Variants in ADAMTS17 observed in about 807,000 individuals in gnomAD.
ADAMTS17 encodes A disintegrin and metalloproteinase with thrombospondin motifs 17.
Under a neutral mutation model 141.5 loss-of-function variants are expected in ADAMTS17, and 113 were observed. The ratio of observed to expected loss-of-function variants is 0.80; its 90% confidence interval spans 0.69 to 0.93. ADAMTS17 has a LOEUF of 0.93. ADAMTS17 is among the 40% of genes least tolerant of loss of function. The pLI is 0.00. For synonymous variants in ADAMTS17, 768 were observed against 630.6 expected (o/e 1.22, Z -3.27); for missense variants, 1,659 against 1,517.9 (o/e 1.09, Z -1.54).
chr15:100,258,272 G>A (rs545587681), intron 6 of ADAMTS17, among the ~76,000 whole-genome samples: 1 of 152,246 alleles, frequency 6.6e-6, no homozygotes, highest in South Asian at 2.1e-4. Context: ...CTCTAGTTTT[G>A]AGTTTTTGAG....
intron 3 of ADAMTS17, among the ~76,000 whole-genome samples, chr15:100,303,687 T>A (rs2045122124): frequency 6.6e-6 from 1 of 152,112 alleles, no homozygotes; most frequent in Non-Finnish European, 1.5e-5. Context: ...TGCTCAACAG[T>A]TTTAATCAGC....
At chr15:100,197,078 T>C (rs78599821) in intron 8 of ADAMTS17, among the ~76,000 whole-genome samples, 11 of 152,210 alleles carry the variant, frequency 7.2e-5, no homozygotes, top group African/African-American at 2.7e-4. Flanking sequence ...TAACCATTCA[T>C]CTTTGCAGAC....
intron 10 of ADAMTS17, among the ~76,000 whole-genome samples, chr15:100,134,938 C>A (rs965653232): frequency 6.6e-6 from 1 of 152,344 alleles, no homozygotes; most frequent in Admixed American, 6.5e-5. Context: ...TAAAGACCAA[C>A]TGCACCTCAT....
intron 10 of ADAMTS17, among the ~76,000 whole-genome samples, chr15:100,141,047 G>T (rs1412911809): frequency 6.6e-6 from 1 of 152,222 alleles, no homozygotes; most frequent in African/African-American, 2.4e-5. Flanking sequence ...TGCTTGAGTT[G>T]CGGTGGAAAG....
intron 15 of ADAMTS17, among the ~76,000 whole-genome samples, chr15:100,073,210 G>A (rs2034110593): frequency 6.6e-6 from 1 of 152,158 alleles, no homozygotes; most frequent in Non-Finnish European, 1.5e-5. Context: ...AAACCACAAT[G>A]AGATACCATC....
intron 18 of ADAMTS17, among the ~76,000 whole-genome samples, chr15:100,018,044 C>T (rs1445217207): frequency 3.9e-5 from 6 of 152,164 alleles, no homozygotes; most frequent in Middle Eastern, 3.2e-3. Context: ...CACTGAAACT[C>T]GGTGCCCACT....
chr15:100,028,684 TC>T (rs1363867591), intron 18 of ADAMTS17, among the ~76,000 whole-genome samples: 1 of 152,196 alleles, frequency 6.6e-6, no homozygotes, highest in Non-Finnish European at 1.5e-5. Flanking sequence ...CTGCTGCAGG[TC>T]CCCTGCTGGC....
intron 14 of ADAMTS17, among the ~76,000 whole-genome samples, chr15:100,102,238 G>C (rs2036143243): frequency 6.6e-6 from 1 of 152,136 alleles, no homozygotes; most frequent in Admixed American, 6.5e-5. Context: ...GATGATGTCT[G>C]GTTGCCCACT....
At chr15:100,142,718 G>A (rs925893035) in intron 10 of ADAMTS17, among the ~76,000 whole-genome samples, 1 of 152,180 alleles carries the variant, frequency 6.6e-6, no homozygotes, top group African/African-American at 2.4e-5. Flanking sequence ...CTCAGGCACT[G>A]TGTGATCTAG....
intron 18 of ADAMTS17, among the ~76,000 whole-genome samples, chr15:100,043,051 A>G (rs1043554568): frequency 1.2e-4 from 18 of 152,232 alleles, no homozygotes; most frequent in African/African-American, 4.3e-4. Flanking sequence ...TTCAAAATCT[A>G]TTATCAGATC....
chr15:100,100,713 T>C (rs576056423), intron 14 of ADAMTS17, among the ~76,000 whole-genome samples: 3 of 152,286 alleles, frequency 2.0e-5, no homozygotes, highest in East Asian at 1.9e-4. Context: ...GGACATGAAC[T>C]ATGGGAGCAT....
At chr15:100,287,702 T>C (rs1052252884) in intron 3 of ADAMTS17, among the ~76,000 whole-genome samples, 7 of 152,236 alleles carry the variant, frequency 4.6e-5, no homozygotes, top group African/African-American at 1.7e-4. Context: ...AGAAATTCTA[T>C]AAGCCAGGAG....
At chr15:100,298,289 T>TC (rs958883568) in intron 3 of ADAMTS17, among the ~76,000 whole-genome samples, 1 of 151,990 alleles carries the variant, frequency 6.6e-6, no homozygotes, top group African/African-American at 2.4e-5. Context: ...TCTACTGCTG[T>TC]CCCCTTCCAG....
chr15:100,193,572 A>T (rs1186829924), intron 8 of ADAMTS17, among the ~76,000 whole-genome samples: 1 of 152,114 alleles, frequency 6.6e-6, no homozygotes, highest in Non-Finnish European at 1.5e-5. Context: ...TCCACCTGGG[A>T]TGTGCGGAAT....
At chr15:100,134,906 C>CA (rs2038246508) in intron 10 of ADAMTS17, among the ~76,000 whole-genome samples, 1 of 152,188 alleles carries the variant, frequency 6.6e-6, no homozygotes, top group South Asian at 2.1e-4. Context: ...ATGAGAGCCC[C>CA]AGTGCAGCAC....
intron 7 of ADAMTS17, among the ~76,000 whole-genome samples, chr15:100,242,323 G>A (rs1184522242): frequency 6.6e-6 from 1 of 152,168 alleles, no homozygotes; most frequent in Non-Finnish European, 1.5e-5. Context: ...AATGCCAGAT[G>A]CAAATGAGGA....
intron 18 of ADAMTS17, among the ~76,000 whole-genome samples, chr15:100,000,663 G>A (rs570763099): frequency 9.1e-4 from 138 of 152,134 alleles, no homozygotes; most frequent in African/African-American, 3.1e-3. Context: ...ACAGCCATGC[G>A]CCACCACGCC....
chr15:100,224,953 G>A (rs1285705252), intron 7 of ADAMTS17, among the ~76,000 whole-genome samples: 5 of 152,200 alleles, frequency 3.3e-5, no homozygotes, highest in Non-Finnish European at 4.4e-5. Context: ...CTGGACCCAT[G>A]AGCACCCAGA....
At chr15:100,108,366 G>A (rs1306291502) in intron 14 of ADAMTS17, among the ~76,000 whole-genome samples, 1 of 152,154 alleles carries the variant, frequency 6.6e-6, no homozygotes, top group African/African-American at 2.4e-5. Flanking sequence ...AGTAGAGACT[G>A]AGTTTCACCC....
Sources: allele counts gnomAD v4.1 joint callset (sites outside exome capture counted in the v4.1 genomes callset), GRCh38; gene constraint gnomAD v4.1.1; transcripts MANE v1.5; gene names NCBI Gene and HGNC (gene_info 2026-07-23, HGNC 2026-07-21).